The following ERC2 variants were observed in gnomAD, a reference collection of about 807,000 sequenced individuals.
ERC2 encodes ERC protein 2.
Under a neutral mutation model 114.8 loss-of-function variants are expected in ERC2, and 42 were observed. The ratio of observed to expected loss-of-function variants is 0.37; its 90% CI spans 0.29 to 0.47. ERC2 has a LOEUF of 0.47. ERC2 is among the 20% of genes least tolerant of loss of function. The pLI is 0.99. For synonymous variants in ERC2, 454 were observed against 425.5 expected (o/e 1.07, Z -0.82); for missense variants, 939 against 1,150.7 (o/e 0.82, Z 2.66).
At chr3:56,417,921 GT>G (rs1382583800) in intron 2 of ERC2, among the ~76,000 whole-genome samples, 6 of 152,186 alleles carry the variant, frequency 3.9e-5, no homozygotes, top group African/African-American at 1.4e-4. Context: ...CATCTGATAA[GT>G]GTTAAGTAGG....
chr3:56,189,444 G>T (rs886136836), intron 3 of ERC2, among the ~76,000 whole-genome samples: 1 of 152,234 alleles, frequency 6.6e-6, no homozygotes, highest in Non-Finnish European at 1.5e-5. Context: ...GACAACAGCA[G>T]CATCTGTTGA....
At position 56,063,845 on chromosome 3, in the gene ERC2, C is replaced by T. The variant is rs574910597; in HGVS notation, c.1641+16972G>A. Reference sequence around the variant, plus strand: ...AGGCATTTTCTGATACTTCTCTGTACATACATATTGTAAAGTTTATTTCCA... The same window carrying T: ...AGGCATTTTCTGATACTTCTCTGTATATACATATTGTAAAGTTTATTTCCA... On this transcript the variant is annotated intron_variant, in intron 7 of 17. Transcript: ENST00000288221. Among the ~76,000 whole-genome samples the T allele has an allele frequency of 2.0e-5, 3 of 152,274 alleles. No individual in the cohort carries two copies. In the South Asian group the frequency reaches 6.2e-4, roughly 32 times the overall value.
intron 6 of ERC2, among the ~76,000 whole-genome samples, chr3:56,132,092 A>G (rs2080238865): frequency 6.6e-6 from 1 of 152,204 alleles, no homozygotes; most frequent in South Asian, 2.1e-4. Context: ...ATGAATAAGT[A>G]GTTCTTTTAA....
chr3:56,215,897 G>A (rs1034831649), intron 3 of ERC2, among the ~76,000 whole-genome samples: 3 of 152,008 alleles, frequency 2.0e-5, no homozygotes, highest in East Asian at 1.9e-4. Context: ...ATGACTACTC[G>A]GTACATAACG....
intron 14 of ERC2, among the ~76,000 whole-genome samples, chr3:55,792,682 C>G (rs2070141542): frequency 1.3e-5 from 2 of 152,114 alleles, no homozygotes; most frequent in South Asian, 4.1e-4. Flanking sequence ...AATCTGGATC[C>G]CGGACAACTT....
At chr3:56,434,300 T>A in intron 2 of ERC2, 51 bp downstream of exon 2, 1 of 1,551,710 alleles carries the variant, frequency 6.4e-7, no homozygotes, top group African/African-American at 1.4e-5. Context: ...AAGCATCAAC[T>A]ACTCAGTGAG....
At chr3:56,410,149 G>A (rs1048556814) in intron 2 of ERC2, among the ~76,000 whole-genome samples, 8 of 152,222 alleles carry the variant, frequency 5.3e-5, no homozygotes, top group East Asian at 1.9e-4. Context: ...ATTAAAAAGC[G>A]ATGGCTTTCT....
chr3:56,159,095 C>T (rs1482016491), intron 4 of ERC2, among the ~76,000 whole-genome samples: 2 of 152,058 alleles, frequency 1.3e-5, no homozygotes, highest in African/African-American at 2.4e-5. Context: ...CACCCCCCCA[C>T]CCCACCTGTT....
In ERC2 at chr3:56,080,731, C is replaced by A. The variant is rs114172463; in HGVS notation, c.1641+86G>T. 4.5e-6 allele frequency: 6 copies of A among 1,329,542 alleles called. No homozygotes were observed. In the African/African-American group the frequency reaches 8.8e-5, roughly 19 times the overall value. 82.4% of individuals were successfully genotyped at this position (1,329,542 alleles called of 1,614,324 possible). A position where few individuals can be genotyped will look rare whatever the true frequency, so the allele number is the denominator to read the frequency against. On this transcript the variant is annotated intron_variant, in intron 7 of 17. Coordinates refer to ENST00000288221, the MANE Select transcript of ERC2 (RefSeq NM_015576.3). ...TTCTTCCTAAAGATTCGTAAAAGAT[C>A]ACTTATTTTCCATGTGCTCAAAATT...
intron 1 of ERC2, among the ~76,000 whole-genome samples, chr3:56,455,768 G>C (rs994920089): frequency 4.6e-5 from 7 of 152,144 alleles, no homozygotes; most frequent in African/African-American, 1.7e-4. Context: ...TTCAGGAAGA[G>C]ACTAAAAAAA....
At chr3:56,117,948 G>A (rs1321594638) in intron 6 of ERC2, among the ~76,000 whole-genome samples, 2 of 152,228 alleles carry the variant, frequency 1.3e-5, no homozygotes, top group African/African-American at 4.8e-5. Context: ...ACTATTCTGA[G>A]CAGAGGAAAT....
chr3:56,101,393 T>TTCCTGTAACAGGTGAGGAGTTTCA (rs1553820953), intron 6 of ERC2, among the ~76,000 whole-genome samples: 14 of 152,080 alleles, frequency 9.2e-5, no homozygotes, highest in African/African-American at 3.4e-4. Context: ...GCTTCACCTG[T>TTCCTGTAACAGGTGAGGAGTTTCA]TCCTGTAACA....
At chr3:56,272,755 G>C (rs2053739014) in intron 3 of ERC2, among the ~76,000 whole-genome samples, 1 of 152,158 alleles carries the variant, frequency 6.6e-6, no homozygotes, top group Non-Finnish European at 1.5e-5. Context: ...CAGCGACAGA[G>C]ATTTTGTCTC....
chr3:56,083,664 G>A lies in ERC2; in HGVS notation c.1474-2680C>T, dbSNP rs1023271268. 2.0e-5 allele frequency among the ~76,000 whole-genome samples: 3 copies of A among 152,042 alleles called. No individual in the cohort carries two copies. The East Asian group carries it at 5.8e-4, about 29-fold the overall frequency. On this transcript the variant is annotated intron_variant, in intron 6 of 17. Transcript: ENST00000288221. ...TCAAAACAAAACAAAACACCAACCT[G>A]GGAACTAAATTACCTTATAACACAA...
chr3:55,786,056 G>A (rs1026230290), intron 14 of ERC2, among the ~76,000 whole-genome samples: 3 of 151,880 alleles, frequency 2.0e-5, no homozygotes, highest in Admixed American at 1.3e-4. Context: ...TTTAGATGTG[G>A]GATTTTTTTT....
intron 13 of ERC2, among the ~76,000 whole-genome samples, chr3:55,897,701 G>A (rs2063910199): frequency 6.6e-6 from 1 of 152,190 alleles, no homozygotes; most frequent in African/African-American, 2.4e-5. Context: ...GATGCTGGAG[G>A]CTGAAGGACC....
At chr3:56,119,912 T>C (rs1234352939) in intron 6 of ERC2, among the ~76,000 whole-genome samples, 1 of 152,160 alleles carries the variant, frequency 6.6e-6, no homozygotes, top group Non-Finnish European at 1.5e-5. Flanking sequence ...CCCAGGGATC[T>C]GGAGATAACA....
At chr3:55,755,981 A>G (rs369757769) in intron 14 of ERC2, among the ~76,000 whole-genome samples, 2 of 152,202 alleles carry the variant, frequency 1.3e-5, no homozygotes, top group Non-Finnish European at 2.9e-5. Context: ...GCTTTTTTCC[A>G]TTTTCGAAAA....
intron 17 of ERC2, among the ~76,000 whole-genome samples, chr3:55,586,126 C>T (rs531376773): frequency 3.0e-4 from 45 of 152,210 alleles, no homozygotes; most frequent in African/African-American, 1.0e-3. Context: ...CACTGGTGCA[C>T]CTGAGGTGAC....
Sources: allele counts gnomAD v4.1 joint callset (sites outside exome capture counted in the v4.1 genomes callset), GRCh38; gene constraint gnomAD v4.1.1; transcripts MANE v1.5; gene names NCBI Gene and HGNC (gene_info 2026-07-23, HGNC 2026-07-21).